ZNF254: variants seen among roughly 807,000 people sequenced by gnomAD.
The protein encoded by ZNF254 is zinc finger protein 254, also known as CTD-2017D11.1.
A neutral mutation model predicts 12.4 loss-of-function variants in ZNF254; 10 were observed. The observed-to-expected ratio is 0.80, with a 90% confidence interval of 0.50 to 1.36. The LOEUF is 1.36. ZNF254 is among the 40% of genes most tolerant of loss of function. The probability of loss-of-function intolerance (pLI) is 0.00; values close to 1 mark genes in which losing one functional copy is unlikely to be tolerated. For missense variants in ZNF254, 996 were observed against 763.9 expected (o/e 1.30, Z -3.58); for synonymous variants, 305 against 253.4 (o/e 1.20, Z -1.93).
At chr19:24,043,240 T>C (rs1042807211) in intron 1 of ZNF254, among the ~76,000 whole-genome samples, 3 of 151,966 alleles carry the variant, frequency 2.0e-5, no homozygotes, top group Non-Finnish European at 4.4e-5. Flanking sequence ...ATCTAAAATA[T>C]AACATGGCAC....
At chr19:24,099,351 G>A (rs1972870916) in intron 1 of ZNF254, among the ~76,000 whole-genome samples, 2 of 151,890 alleles carry the variant, frequency 1.3e-5, no homozygotes, top group Admixed American at 6.6e-5. Flanking sequence ...GTGGGAATTG[G>A]CATTCACCTA....
intron 1 of ZNF254, chr19:24,046,148 C>G (rs1459928729): frequency 2.0e-5 from 3 of 151,880 alleles, no homozygotes; most frequent in African/African-American, 4.8e-5. Flanking sequence ...TACATATCCT[C>G]CAGCATTAAT....
chr19:24,105,453 G>C, intron 1 of ZNF254: 1 of 250,774 alleles, frequency 4.0e-6, no homozygotes, highest in Non-Finnish European at 7.6e-6. Flanking sequence ...TTACTGGTGA[G>C]CTTGGTAGAG....
intron 2 of ZNF254, among the ~76,000 whole-genome samples, chr19:24,055,205 CAAAA>C (rs71167733): frequency 2.2e-3 from 62 of 28,308 alleles, no homozygotes; most frequent in African/African-American, 7.3e-3. Context: ...TCTGTCTCAC[CAAAA>C]AAAAAAAAAA....
At chr19:24,091,911 G>T (rs1002661740) in intron 1 of ZNF254, 5 of 847,692 alleles carry the variant, frequency 5.9e-6, no homozygotes, top group Non-Finnish European at 7.1e-6. Flanking sequence ...ATGGAGTCTC[G>T]CTCTGTTGGC....
At position 24,126,881 on chromosome 19, in the gene ZNF254, A is replaced by G; in HGVS notation, c.881A>G (p.Tyr294Cys). The G allele has an allele frequency of 1.2e-6, 2 of 1,613,660 alleles. No homozygotes were observed. Among genetic ancestry groups the G allele is most frequent in the South Asian group, 1.1e-5 (1 of 91,064 alleles). Residue 294 changes from tyrosine (Y) to cysteine (C), a missense_variant, in exon 4 of 4, where the codon TAC becomes TGC. Transcript: ENST00000357002. ...HKIIHTGEKP[Y>C]KCEECGKAFI... Reference sequence around the variant, plus strand: ...ATAATTCATACTGGAGAGAAACCTTACAAGTGTGAAGAATGTGGCAAAGCA... The same window carrying G: ...ATAATTCATACTGGAGAGAAACCTTGCAAGTGTGAAGAATGTGGCAAAGCA...
chr19:24,113,888 A>G (rs1400311423), intron 3 of ZNF254, among the ~76,000 whole-genome samples: 3 of 152,038 alleles, frequency 2.0e-5, no homozygotes, highest in East Asian at 1.9e-4. Flanking sequence ...TTATACACCA[A>G]TAACAGAGAG....
intron 2 of ZNF254, among the ~76,000 whole-genome samples, chr19:24,080,937 C>T (rs571076627): frequency 1.3e-5 from 2 of 151,458 alleles, no homozygotes; most frequent in South Asian, 4.2e-4. Context: ...ATTAGCTGGG[C>T]GTGGTGGCAC....
chr19:24,048,003 C>CTTTT (rs398034320), intron 2 of ZNF254, among the ~76,000 whole-genome samples: 2,166 of 68,712 alleles, frequency 0.032, 119 homozygotes, highest in African/African-American at 0.075. Flanking sequence ...TTCTTTTCTT[C>CTTTT]TTTTTTTTTT....
In ZNF254 at chr19:24,129,564, TC is replaced by T. The variant is rs1315909563; in HGVS notation, c.*1585del. On this transcript the variant is annotated 3_prime_UTR_variant, in exon 4 of 4. Coordinates refer to ENST00000357002, the MANE Select transcript of ZNF254 (RefSeq NM_203282.4). ...TTATTTTCACATTTAAATTTATTTTTCTTAATTTTTGTGGATACATAATATG... is the reference window on the plus strand; with the variant it reads ...TTATTTTCACATTTAAATTTATTTTTTTAATTTTTGTGGATACATAATATG... 6.6e-6 allele frequency: 1 copy of T among 152,010 alleles called. No homozygotes were observed. Among genetic ancestry groups the T allele is most frequent in the Non-Finnish European group, 1.5e-5 (1 of 67,912 alleles). The allele number at this position is 152,010 out of a possible 1,614,324, so 9.4% of individuals were successfully genotyped here. A position where few individuals can be genotyped will look rare whatever the true frequency, so the allele number is the denominator to read the frequency against.
chr19:24,084,574 CAA>C (rs1346587025), upstream of ZNF254, among the ~76,000 whole-genome samples: 6 of 151,910 alleles, frequency 3.9e-5, no homozygotes, highest in African/African-American at 1.5e-4. Context: ...TAATAATAAA[CAA>C]AAAATAATCC....
chr19:24,075,966 T>C (rs1334604964), intron 2 of ZNF254, among the ~76,000 whole-genome samples: 1 of 152,216 alleles, frequency 6.6e-6, no homozygotes, highest in African/African-American at 2.4e-5. Flanking sequence ...TATGACTCTG[T>C]TCTGCCCAGC....
At chr19:24,120,653 C>G (rs936903614) in intron 3 of ZNF254, among the ~76,000 whole-genome samples, 1 of 149,134 alleles carries the variant, frequency 6.7e-6, no homozygotes, top group African/African-American at 2.6e-5. Context: ...TTTAGCATTT[C>G]TTTGTTGTTG....
chr19:24,084,394 G>T (rs1971952370), upstream of ZNF254, among the ~76,000 whole-genome samples: 1 of 151,766 alleles, frequency 6.6e-6, no homozygotes, highest in African/African-American at 2.4e-5. Flanking sequence ...TGGACTGTGG[G>T]TACTCAGTGG....
intron 2 of ZNF254, 195 bp from the exon 3 acceptor site, chr19:24,106,353 A>T: frequency 5.8e-6 from 3 of 519,988 alleles, no homozygotes; most frequent in Non-Finnish European, 9.1e-6. Flanking sequence ...TTTTTGATTC[A>T]GTAGTACCAG....
chr19:24,046,526 A>G (rs1970397157), intron 2 of ZNF254, among the ~76,000 whole-genome samples: 1 of 151,876 alleles, frequency 6.6e-6, no homozygotes, highest in Admixed American at 6.6e-5. Flanking sequence ...TGGGCTATCA[A>G]AACTTGAGAT....
chr19:24,054,586 AATT>A (rs1225131988), intron 2 of ZNF254, among the ~76,000 whole-genome samples: 2 of 152,190 alleles, frequency 1.3e-5, no homozygotes, highest in East Asian at 1.9e-4. Context: ...ACACCTCACC[AATT>A]ATTAGGATTA....
At chr19:24,079,131 T>G (rs1971759617) in intron 2 of ZNF254, 1 of 152,190 alleles carries the variant, frequency 6.6e-6, no homozygotes, top group Non-Finnish European at 1.5e-5. Flanking sequence ...CAAGCATTTT[T>G]GCTTCTCAGT....
intron 1 of ZNF254, among the ~76,000 whole-genome samples, chr19:24,090,470 T>G (rs1483259920): frequency 6.6e-6 from 1 of 152,184 alleles, no homozygotes; most frequent in Non-Finnish European, 1.5e-5. Flanking sequence ...ACAGTTTCCC[T>G]CTGTCACCCA....
Sources: gnomAD v4.1 joint callset for allele counts (sites outside exome capture counted in the v4.1 genomes callset) on GRCh38, gnomAD v4.1.1 for gene constraint, MANE v1.5 for transcripts, NCBI Gene and HGNC (gene_info 2026-07-23, HGNC 2026-07-21) for gene names.